The following UNC13C variants were observed in gnomAD, a reference collection of about 807,000 sequenced individuals.
UNC13C encodes protein unc-13 homolog C.
UNC13C carries 174 observed loss-of-function variants against 245.4 expected under a neutral mutation model. That is an observed-to-expected ratio of 0.71 (90% CI 0.63 to 0.80). UNC13C has a LOEUF of 0.80. UNC13C is among the 30% of genes least tolerant of loss of function. The pLI is 0.00. For synonymous variants in UNC13C, 992 were observed against 895.1 expected, an observed-to-expected ratio of 1.11 and a Z score of -1.93; for missense variants, 2,829 against 2,602.9, an observed-to-expected ratio of 1.09 and a Z score of -1.89.
chr15:54,094,275 G>A (rs1164249900), intron 2 of UNC13C, among the ~76,000 whole-genome samples: 1 of 152,126 alleles, frequency 6.6e-6, no homozygotes, highest in Admixed American at 6.6e-5. Flanking sequence ...ATGGTAGTTT[G>A]ACAGCACTCC....
rs1183051446 is a variant in UNC13C, at chr15:54,507,165, T to C, written c.5350T>C (p.Phe1784Leu). 1.3e-6 allele frequency: 2 copies of C among 1,597,972 alleles called. No homozygotes were observed. Among genetic ancestry groups the C allele is most frequent in the African/African-American group, 2.7e-5 (2 of 74,896 alleles). ...GTATGCTGCAATTGTATCAAGTGAT[T>C]TCAGTTCACATTGTGATAAGGAAAA... ...LQYAAIVSSD[F>L]SSHCDKENVP... Residue 1784 changes from phenylalanine to leucine, a missense_variant, in exon 23 of 33, where the codon TTC becomes CTC. Physicochemically the swap from Phe to Leu is conservative, Grantham distance 22 (BLOSUM62 0). Transcript: ENST00000260323.
intron 21 of UNC13C, 49 bp downstream of exon 21, chr15:54,500,224 T>A: frequency 7.3e-7 from 1 of 1,371,224 alleles, no homozygotes; most frequent in Non-Finnish European, 1.0e-6. Context: ...TTCAGTCACA[T>A]TGCTTACTTT....
chr15:54,371,761 C>A (rs531840431), intron 17 of UNC13C, among the ~76,000 whole-genome samples: 7 of 151,822 alleles, frequency 4.6e-5, no homozygotes, highest in African/African-American at 1.5e-4. Flanking sequence ...ACTATTGAGC[C>A]TTAAAAAAGA....
At chr15:54,342,884 T>A (rs1000165623) in intron 17 of UNC13C, among the ~76,000 whole-genome samples, 1 of 152,226 alleles carries the variant, frequency 6.6e-6, no homozygotes, top group Non-Finnish European at 1.5e-5. Flanking sequence ...TTCATAACTT[T>A]AGCTTATCAA....
chr15:54,337,816 T>C (rs893725451), intron 16 of UNC13C, among the ~76,000 whole-genome samples: 33 of 152,194 alleles, frequency 2.2e-4, no homozygotes, highest in Non-Finnish European at 4.7e-4. Context: ...CGCTAAAAGC[T>C]AAGATTTTTA....
chr15:54,225,563 C>T (rs554953654), intron 4 of UNC13C, among the ~76,000 whole-genome samples: 12 of 152,156 alleles, frequency 7.9e-5, no homozygotes, highest in East Asian at 1.9e-4. Context: ...TTATTCTCTT[C>T]GTAGCAAATG....
chr15:54,537,695 C>G (rs1896044741), intron 26 of UNC13C, among the ~76,000 whole-genome samples: 1 of 151,996 alleles, frequency 6.6e-6, no homozygotes, highest in African/African-American at 2.4e-5. Context: ...CTACAACCAT[C>G]TGATCTTCAA....
intron 22 of UNC13C, among the ~76,000 whole-genome samples, chr15:54,504,013 A>C (rs1336078735): frequency 6.6e-6 from 1 of 152,198 alleles, no homozygotes; most frequent in Non-Finnish European, 1.5e-5. Flanking sequence ...AGACTAAAAA[A>C]GGTACCAAAC....
chr15:54,526,334 A>G (rs1168161509), intron 25 of UNC13C, among the ~76,000 whole-genome samples: 2 of 152,242 alleles, frequency 1.3e-5, no homozygotes, highest in Non-Finnish European at 2.9e-5. Context: ...AAGAAAATAT[A>G]TTTTTGAAGA....
chr15:54,126,747 G>A (rs2031070401), intron 2 of UNC13C, among the ~76,000 whole-genome samples: 1 of 152,100 alleles, frequency 6.6e-6, no homozygotes, highest in Non-Finnish European at 1.5e-5. Flanking sequence ...CACAGAAAAA[G>A]AAACTATCTT....
intron 17 of UNC13C, among the ~76,000 whole-genome samples, chr15:54,369,632 G>GT (rs1438356480): frequency 1.3e-5 from 2 of 152,074 alleles, no homozygotes; most frequent in African/African-American, 4.8e-5. Flanking sequence ...TTACAGATGA[G>GT]TTATCTAGTT....
intron 2 of UNC13C, among the ~76,000 whole-genome samples, chr15:54,043,657 G>A (rs1896906975): frequency 6.6e-6 from 1 of 152,172 alleles, no homozygotes; most frequent in South Asian, 2.1e-4. Flanking sequence ...CAATTTCTAT[G>A]CAATCTTGTA....
chr15:54,144,949 A>G (rs1216035805), intron 4 of UNC13C, among the ~76,000 whole-genome samples: 1 of 151,862 alleles, frequency 6.6e-6, no homozygotes, highest in East Asian at 1.9e-4. Flanking sequence ...TTATCTATCT[A>G]TCTATATAGA....
chr15:53,953,436 C>T, the UNC13C span, among the ~76,000 whole-genome samples: 1 of 152,178 alleles, frequency 6.6e-6, no homozygotes, highest in Non-Finnish European at 1.5e-5. Flanking sequence ...TCCAATTCAA[C>T]CCTAAGGACT....
At chr15:53,997,737 C>G (rs1413548603) in intron 1 of UNC13C, among the ~76,000 whole-genome samples, 2 of 152,060 alleles carry the variant, frequency 1.3e-5, no homozygotes, top group Non-Finnish European at 2.9e-5. Context: ...ATCACTACTA[C>G]TGCAGCTGTT....
chr15:54,014,587 G>A lies in UNC13C; in HGVS notation c.1684G>A (p.Glu562Lys), dbSNP rs142320070. 6.2e-7 allele frequency: 1 copy of A among 1,613,562 alleles called. No individual in the cohort carries two copies. The highest frequency in any genetic ancestry group is 2.2e-5 in the East Asian group (1 of 44,852). The stretch of plus-strand genomic sequence containing the variant: ...TTCCAAATTGTGTCAGTCTTACTCA[G>A]AAGATTTTTCAGAAAATCAGTTTTT... ...DFSKLCQSYS[E>K]DFSENQFFTR... Residue 562 changes from glutamate (E) to lysine (K), a missense_variant, in exon 2 of 33, where the codon GAA becomes AAA. Coordinates refer to ENST00000260323, the MANE Select transcript of UNC13C (RefSeq NM_001080534.3).
intron 2 of UNC13C, among the ~76,000 whole-genome samples, chr15:54,066,007 C>G (rs944148287): frequency 6.6e-6 from 1 of 152,180 alleles, no homozygotes; most frequent in Non-Finnish European, 1.5e-5. Flanking sequence ...AGCATGAACA[C>G]CTATGCAAAA....
intron 19 of UNC13C, among the ~76,000 whole-genome samples, chr15:54,452,107 C>G (rs1358266641): frequency 6.6e-6 from 1 of 152,164 alleles, no homozygotes; most frequent in Non-Finnish European, 1.5e-5. Flanking sequence ...CGAAGCTTTG[C>G]TTAGGATGGA....
At chr15:54,447,934 C>G (rs60817544) in intron 19 of UNC13C, among the ~76,000 whole-genome samples, 1 of 152,216 alleles carries the variant, frequency 6.6e-6, no homozygotes, top group Non-Finnish European at 1.5e-5. Flanking sequence ...TCCCTCTACA[C>G]ACTGCTTTAT....
Sources: allele counts gnomAD v4.1 joint callset (sites outside exome capture counted in the v4.1 genomes callset), GRCh38; gene constraint gnomAD v4.1.1; transcripts MANE v1.5; gene names NCBI Gene and HGNC (gene_info 2026-07-23, HGNC 2026-07-21).